Variants in AGBL1 observed in about 807,000 individuals in gnomAD.
AGBL1 encodes AGBL carboxypeptidase 1, also known as cytosolic carboxypeptidase 4.
Under a neutral mutation model 118.9 loss-of-function variants are expected in AGBL1, and 130 were observed. That is an observed-to-expected ratio of 1.09 (90% confidence interval 0.95 to 1.26). The LOEUF is 1.26. Ranked by LOEUF, AGBL1 falls within the 50% of genes most tolerant of loss-of-function variation. AGBL1 has a pLI of 0.00. For synonymous variants in AGBL1, 555 were observed against 478.9 expected (o/e 1.16, Z -2.08); for missense variants, 1,584 against 1,298.1 (o/e 1.22, Z -3.38).
chr15:86,520,993 T>G (rs574268594), intron 18 of AGBL1, among the ~76,000 whole-genome samples: 40 of 152,232 alleles, frequency 2.6e-4, no homozygotes, highest in Admixed American at 2.5e-3. Context: ...TAGATGTCAT[T>G]GCTATTAAAA....
intron 22 of AGBL1, among the ~76,000 whole-genome samples, chr15:86,753,417 A>G (rs1486281620): frequency 8.7e-5 from 5 of 57,190 alleles, no homozygotes; most frequent in Non-Finnish European, 1.7e-4. Flanking sequence ...TTTTTTTTTG[A>G]GACAGAGTCT....
At chr15:86,406,664 T>C (rs1330228149) in intron 18 of AGBL1, among the ~76,000 whole-genome samples, 1 of 152,190 alleles carries the variant, frequency 6.6e-6, no homozygotes. Flanking sequence ...TTGAAGGAGA[T>C]ATTTTAGCCA....
chr15:87,015,877 T>TACTA (rs1184373181), intron 24 of AGBL1, among the ~76,000 whole-genome samples: 6 of 152,162 alleles, frequency 3.9e-5, no homozygotes, highest in African/African-American at 1.4e-4. Flanking sequence ...CTTTAAGGTA[T>TACTA]ACTACCTTAG....
intron 21 of AGBL1, among the ~76,000 whole-genome samples, chr15:86,644,579 A>G (rs543353704): frequency 6.6e-6 from 1 of 151,522 alleles, no homozygotes; most frequent in East Asian, 1.9e-4. Context: ...TTCATTCAAC[A>G]TTAGATTTGG....
intron 22 of AGBL1, among the ~76,000 whole-genome samples, chr15:86,748,473 C>T (rs550319349): frequency 8.1e-5 from 8 of 98,986 alleles, no homozygotes; most frequent in African/African-American, 1.5e-4. Context: ...TGTGCAGAAG[C>T]TCTTTAGTTG....
At chr15:86,415,969 CA>C (rs1408648688) in intron 18 of AGBL1, among the ~76,000 whole-genome samples, 3 of 152,192 alleles carry the variant, frequency 2.0e-5, no homozygotes, top group Non-Finnish European at 4.4e-5. Context: ...AGTATTTTCA[CA>C]TGACTTTTTT....
At chr15:86,184,475 A>T (rs2141806491) in intron 5 of AGBL1, among the ~76,000 whole-genome samples, 1 of 151,358 alleles carries the variant, frequency 6.6e-6, no homozygotes, top group South Asian at 2.1e-4. Flanking sequence ...CAGCTTAAAA[A>T]TGGAGTCTTA....
chr15:86,348,373 T>C (rs1011837780), intron 17 of AGBL1, among the ~76,000 whole-genome samples: 11 of 152,310 alleles, frequency 7.2e-5, no homozygotes, highest in Non-Finnish European at 2.9e-5. Flanking sequence ...CACAAAAATA[T>C]CTCCCTCTTC....
At position 86,773,134 on chromosome 15, in the gene AGBL1, T is replaced by G. The variant is rs79590352; in HGVS notation, c.3158+98698T>G. ...GTTCAGTTCTGTTCAACCAACATTA[T>G]TGAGTATATACATTGTGTTAGGCCC... On this transcript the variant is annotated intron_variant, in intron 22 of 22. Transcript: ENST00000614907. 2.5e-3 allele frequency among the ~76,000 whole-genome samples: 387 copies of G among 152,100 alleles called. 1 individual carries two copies. Among genetic ancestry groups the G allele is most frequent in the South Asian group, 0.016 (79 of 4,810 alleles).
intron 5 of AGBL1, among the ~76,000 whole-genome samples, chr15:86,199,028 C>A (rs1453849371): frequency 6.6e-6 from 1 of 152,084 alleles, no homozygotes; most frequent in African/African-American, 2.4e-5. Flanking sequence ...GTTTTCTAGT[C>A]GCTTTAATAC....
intron 22 of AGBL1, among the ~76,000 whole-genome samples, chr15:86,852,486 A>G (rs1271972980): frequency 6.6e-6 from 1 of 152,186 alleles, no homozygotes; most frequent in Non-Finnish European, 1.5e-5. Context: ...ATCCCCTGCT[A>G]TCTGGAAACT....
intron 5 of AGBL1, among the ~76,000 whole-genome samples, chr15:86,190,262 A>G (rs539031237): frequency 5.3e-5 from 8 of 152,272 alleles, no homozygotes; most frequent in African/African-American, 1.9e-4. Context: ...GCTCTGTTAA[A>G]GAATAGAAAA....
intron 22 of AGBL1, among the ~76,000 whole-genome samples, chr15:86,730,667 A>G (rs2077514815): frequency 6.6e-6 from 1 of 152,288 alleles, no homozygotes; most frequent in South Asian, 2.1e-4. Context: ...TTCATTTGTC[A>G]TCTGGCAATA....
rs200387453 is a variant in AGBL1 at position 86,094,055 on chromosome 15, TTAAAA to T, written c.51+14036_51+14040del. On this transcript the variant is annotated intron_variant, in intron 1 of 22. Coordinates refer to ENST00000614907, the MANE Select transcript of AGBL1 (RefSeq NM_001386094.1). ...AAGTTCTTTCAAAATGTTATACTCT[TTAAAA>T]TAATATCAGACAATGTGAACTACTG... 8.1e-3 allele frequency among the ~76,000 whole-genome samples: 1,240 copies of T among 152,270 alleles called. 20 individuals are homozygous for T. The highest frequency in any genetic ancestry group is 0.028 in the African/African-American group (1,181 of 41,550).
chr15:87,008,634 C>G (rs996878066), intron 24 of AGBL1, among the ~76,000 whole-genome samples: 3 of 152,126 alleles, frequency 2.0e-5, no homozygotes, highest in Admixed American at 6.5e-5. Context: ...TTGAAGGGCT[C>G]AGAAGAGGAC....
At chr15:86,578,655 G>A (rs1377680461) in intron 21 of AGBL1, among the ~76,000 whole-genome samples, 1 of 152,132 alleles carries the variant, frequency 6.6e-6, no homozygotes, top group African/African-American at 2.4e-5. Context: ...ATTGAATTGT[G>A]GGGGCAGGTT....
chr15:86,723,214 T>C (rs994098057), intron 22 of AGBL1, among the ~76,000 whole-genome samples: 5 of 152,250 alleles, frequency 3.3e-5, no homozygotes, highest in African/African-American at 1.2e-4. Flanking sequence ...CATATGTTTA[T>C]TGTGGCACTA....
intron 22 of AGBL1, among the ~76,000 whole-genome samples, chr15:86,706,199 C>A (rs112384623): frequency 6.6e-6 from 1 of 151,600 alleles, no homozygotes; most frequent in Non-Finnish European, 1.5e-5. Context: ...CATAGTTTAC[C>A]GATCAAAGAT....
downstream of AGBL1, among the ~76,000 whole-genome samples, chr15:86,916,768 G>A (rs1351727240): frequency 6.6e-6 from 1 of 152,166 alleles, no homozygotes; most frequent in African/African-American, 2.4e-5. Flanking sequence ...GGCGGGGCCT[G>A]CAGAGAACAC....
Sources: allele counts gnomAD v4.1 joint callset (sites outside exome capture counted in the v4.1 genomes callset), GRCh38; gene constraint gnomAD v4.1.1; transcripts MANE v1.5; gene names NCBI Gene and HGNC (gene_info 2026-07-23, HGNC 2026-07-21).